SESTD1: variants seen among roughly 807,000 people sequenced by gnomAD.
The protein encoded by SESTD1 is SEC14 and spectrin domain containing 1.
Under a neutral mutation model 101.7 loss-of-function variants are expected in SESTD1, and 43 were observed. The ratio of observed to expected loss-of-function variants is 0.42; its 90% confidence interval spans 0.33 to 0.55. The LOEUF is 0.55. Among genes scored for constraint, SESTD1 ranks in the 20% least tolerant of loss-of-function variants. SESTD1 has a pLI of 0.07. For synonymous variants in SESTD1, 283 were observed against 286.8 expected (o/e 0.99, Z 0.13); for missense variants, 647 against 815.1 (o/e 0.79, Z 2.51).
At chr2:179,238,370 C>A (rs1470337533) in intron 1 of SESTD1, among the ~76,000 whole-genome samples, 1 of 152,120 alleles carries the variant, frequency 6.6e-6, no homozygotes, top group African/African-American at 2.4e-5. Flanking sequence ...ATAAAATTAA[C>A]GCCTTCTCAT....
chr2:179,186,042 T>A (rs1048707826), intron 2 of SESTD1, among the ~76,000 whole-genome samples: 2 of 145,652 alleles, frequency 1.4e-5, no homozygotes, highest in African/African-American at 5.0e-5. Flanking sequence ...GTATATAATA[T>A]AGCATATACA....
At chr2:179,190,717 T>G (rs1423488593) in intron 2 of SESTD1, among the ~76,000 whole-genome samples, 1 of 152,082 alleles carries the variant, frequency 6.6e-6, no homozygotes, top group African/African-American at 2.4e-5. Flanking sequence ...CATTAAAAAG[T>G]GGGCAAAGGA....
At position 179,188,733 on chromosome 2, in the gene SESTD1, A is replaced by C. The variant is rs532059426; in HGVS notation, c.55+3054T>G. On this transcript the variant is annotated intron_variant, in intron 2 of 17. Coordinates refer to ENST00000428443, the MANE Select transcript of SESTD1 (RefSeq NM_178123.5). The stretch of plus-strand genomic sequence containing the variant: ...CTAAGAAAGAAAAAAAAGAGAGGAG[A>C]TCCAAATAAGGACAATTAGAAATGA... Among the ~76,000 whole-genome samples the C allele has an allele frequency of 2.0e-5, 3 of 152,244 alleles. No individual in the cohort carries two copies. In the South Asian group the frequency reaches 6.2e-4, roughly 32 times the overall value.
At chr2:179,111,130 C>T (rs750000648) in intron 17 of SESTD1, among the ~76,000 whole-genome samples, 8 of 152,152 alleles carry the variant, frequency 5.3e-5, no homozygotes, top group Non-Finnish European at 1.2e-4. Flanking sequence ...AATGGAACAA[C>T]CAGAAGCACG....
chr2:179,121,528 T>C (rs1425971790), intron 13 of SESTD1, among the ~76,000 whole-genome samples: 1 of 152,092 alleles, frequency 6.6e-6, no homozygotes, highest in African/African-American at 2.4e-5. Flanking sequence ...GAATTTGAAA[T>C]AGTTGAGTAT....
chr2:179,114,740 C>G (rs779487042), intron 16 of SESTD1, among the ~76,000 whole-genome samples: 1 of 151,908 alleles, frequency 6.6e-6, no homozygotes, highest in African/African-American at 2.4e-5. Flanking sequence ...CCAGGCATAA[C>G]GAAAGAGATT....
At position 179,114,318 on chromosome 2, in the gene SESTD1, C is replaced by G. The variant is rs149214665; in HGVS notation, c.1839+747G>C. Among the ~76,000 whole-genome samples, 321 of 152,250 alleles carry G rather than the reference C, an allele frequency of 2.1e-3. 6 individuals carry two copies. The highest frequency in any genetic ancestry group is 7.4e-3 in the African/African-American group (307 of 41,534). ...CCTGAGGTTCCTTGCAACATCTGTT[C>G]CATGGATCAAGTTAGGTTTGCTAAT... On this transcript the variant is annotated intron_variant, in intron 16 of 17. Coordinates refer to ENST00000428443, the MANE Select transcript of SESTD1 (RefSeq NM_178123.5).
At position 179,103,437 on chromosome 2, in the gene SESTD1, AT is replaced by A. The variant is rs2044315233; in HGVS notation, c.*6461del. 1 of 152,138 alleles carries A rather than the reference AT, an allele frequency of 6.6e-6. No homozygotes were observed. Among genetic ancestry groups the A allele is most frequent in the African/African-American group, 2.4e-5 (1 of 41,432 alleles). 9.4% of individuals were successfully genotyped at this position (152,138 alleles called of 1,614,324 possible). A position where few individuals can be genotyped will look rare whatever the true frequency, so the allele number is the denominator to read the frequency against. On this transcript the variant is annotated 3_prime_UTR_variant, in exon 18 of 18. Transcript: ENST00000428443. ...TGACCCAGCAATTCTAATCCAAGGA[AT>A]TTACTGCAAAGAAATGAAAACCTAT...
At position 179,168,290 on chromosome 2, in the gene SESTD1, A is replaced by G. The variant is rs147833618; in HGVS notation, c.369+3830T>C. 1.7e-3 allele frequency among the ~76,000 whole-genome samples: 263 copies of G among 152,198 alleles called. 5 individuals are homozygous for G. Among genetic ancestry groups the G allele is most frequent in the African/African-American group, 6.0e-3 (250 of 41,512 alleles). On this transcript the variant is annotated intron_variant, in intron 5 of 17. Coordinates refer to ENST00000428443, the MANE Select transcript of SESTD1 (RefSeq NM_178123.5). Reference sequence around the variant, plus strand: ...TTCTCTTCCTTATTATTTTCTTAACATTTTTTCTCTAGCTTATTTTATTGT... The same window carrying G: ...TTCTCTTCCTTATTATTTTCTTAACGTTTTTTCTCTAGCTTATTTTATTGT...
chr2:179,195,748 G>A (rs533068837), intron 1 of SESTD1, among the ~76,000 whole-genome samples: 3 of 151,692 alleles, frequency 2.0e-5, no homozygotes, highest in African/African-American at 7.3e-5. Flanking sequence ...CACAGGTTAC[G>A]TAAAGGTTAC....
intron 1 of SESTD1, among the ~76,000 whole-genome samples, chr2:179,226,521 T>C (rs1324894461): frequency 6.6e-6 from 1 of 152,160 alleles, no homozygotes; most frequent in Non-Finnish European, 1.5e-5. Context: ...TAAATTACTA[T>C]GAAAAACAAC....
chr2:179,171,101 T>C (rs898865235), intron 5 of SESTD1, among the ~76,000 whole-genome samples: 6 of 152,104 alleles, frequency 3.9e-5, no homozygotes, highest in Non-Finnish European at 7.4e-5. Flanking sequence ...TATAGGAGCA[T>C]ATAGGGGAAT....
chr2:179,259,457 T>C (rs908139803), intron 1 of SESTD1, among the ~76,000 whole-genome samples: 17 of 152,146 alleles, frequency 1.1e-4, no homozygotes, highest in Admixed American at 9.2e-4. Flanking sequence ...CTTGAACTCC[T>C]GACCTCGTGA....
chr2:179,180,657 G>A (rs372807062), intron 3 of SESTD1, among the ~76,000 whole-genome samples: 2 of 152,152 alleles, frequency 1.3e-5, no homozygotes, highest in Non-Finnish European at 1.5e-5. Flanking sequence ...GGGTGTCACC[G>A]TATAATTCCT....
At chr2:179,141,065 T>A (rs139547387) in intron 9 of SESTD1, among the ~76,000 whole-genome samples, 4 of 152,310 alleles carry the variant, frequency 2.6e-5, no homozygotes, top group Admixed American at 6.5e-5. Flanking sequence ...ATGCTTTTAA[T>A]TACCATTCAC....
At chr2:179,224,660 A>C (rs1464204827) in intron 1 of SESTD1, among the ~76,000 whole-genome samples, 1 of 152,166 alleles carries the variant, frequency 6.6e-6, no homozygotes, top group Non-Finnish European at 1.5e-5. Flanking sequence ...AGAAGGAAAG[A>C]AGAGCTGAAG....
chr2:179,122,500 A>AAAC (rs2044775599), intron 12 of SESTD1, among the ~76,000 whole-genome samples: 1 of 151,758 alleles, frequency 6.6e-6, no homozygotes, highest in Admixed American at 6.6e-5. Context: ...TTTTTTTTTT[A>AAAC]AACAAAGACT....
At chr2:179,220,209 C>T (rs1264248947) in intron 1 of SESTD1, among the ~76,000 whole-genome samples, 1 of 152,204 alleles carries the variant, frequency 6.6e-6, no homozygotes, top group South Asian at 2.1e-4. Context: ...GTCCCTTCTC[C>T]ACCCCTCTAG....
rs527946013 is a variant in SESTD1, at chr2:179,175,443, G to C, written c.255+1005C>G. Among the ~76,000 whole-genome samples, 7 of 152,152 alleles carry C rather than the reference G, an allele frequency of 4.6e-5. No individual in the cohort carries two copies. The East Asian group carries it at 1.2e-3, about 25-fold the overall frequency. On this transcript the variant is annotated intron_variant, in intron 4 of 17. Coordinates refer to ENST00000428443, the MANE Select transcript of SESTD1 (RefSeq NM_178123.5). ...TTTGTTGAATTCATTTAAAATTCTT[G>C]ATCTTTCTTTCAATATCACTGATAT...
Sources: gnomAD v4.1 joint callset for allele counts (sites outside exome capture counted in the v4.1 genomes callset) on GRCh38, gnomAD v4.1.1 for gene constraint, MANE v1.5 for transcripts, NCBI Gene and HGNC (gene_info 2026-07-23, HGNC 2026-07-21) for gene names.